TDRD5: variants seen among roughly 807,000 people sequenced by gnomAD.
The protein encoded by TDRD5 is tudor domain-containing protein 5.
In TDRD5, 41 loss-of-function variants were observed where a neutral mutation model predicts 120.6. That is an observed-to-expected ratio of 0.34 (90% confidence interval 0.26 to 0.44). The LOEUF is 0.44. Ranked by LOEUF, TDRD5 falls within the 20% of genes least tolerant of loss-of-function variation. The probability of loss-of-function intolerance (pLI) is 1.00; values close to 1 mark genes in which losing one functional copy is unlikely to be tolerated. For missense variants in TDRD5, 1,006 were observed against 1,221.2 expected (o/e 0.82, Z 2.63); for synonymous variants, 430 against 433.7 (o/e 0.99, Z 0.11).
intron 11 of TDRD5, among the ~76,000 whole-genome samples, chr1:179,642,101 C>T (rs1024826279): frequency 3.6e-5 from 5 of 140,356 alleles, no homozygotes; most frequent in African/African-American, 1.3e-4. Context: ...TTCTTTTTTT[C>T]TTTTCTTTTT....
chr1:179,654,501 A>G lies in TDRD5; in HGVS notation c.2322+139A>G. The stretch of plus-strand genomic sequence containing the variant: ...ATTCTTAGGCCAAGTGCAATGGTTC[A>G]CACCTGTAATCCCAGCACTTTGGGA... On this transcript the variant is annotated intron_variant, in intron 14 of 17. Transcript: ENST00000444136. 2.1e-6 allele frequency: 2 copies of G among 947,206 alleles called. 1 individual carries two copies. The highest frequency in any genetic ancestry group is 7.5e-4 in the Middle Eastern group (2 of 2,676). 58.7% of individuals were successfully genotyped at this position (947,206 alleles called of 1,614,324 possible). A position where few individuals can be genotyped will look rare whatever the true frequency, so the allele number is the denominator to read the frequency against.
chr1:179,655,857 A>G (rs141425864), intron 14 of TDRD5, among the ~76,000 whole-genome samples: 1 of 152,264 alleles, frequency 6.6e-6, no homozygotes, highest in East Asian at 1.9e-4. Context: ...ATACCCATTC[A>G]CCCATTGAAG....
chr1:179,667,018 T>G (rs191589356), intron 16 of TDRD5, among the ~76,000 whole-genome samples: 63 of 152,334 alleles, frequency 4.1e-4, no homozygotes, highest in Non-Finnish European at 7.2e-4. Flanking sequence ...CTTCTCAAAC[T>G]ATAATGTGTA....
intron 11 of TDRD5, among the ~76,000 whole-genome samples, chr1:179,645,076 C>CTTTT (rs71569261): frequency 4.0e-5 from 4 of 99,594 alleles, no homozygotes; most frequent in Non-Finnish European, 8.0e-5. Flanking sequence ...AAACATTTTT[C>CTTTT]TTTTTTTTTT....
chr1:179,607,938 T>A (rs1452797546), intron 4 of TDRD5, among the ~76,000 whole-genome samples: 1 of 152,010 alleles, frequency 6.6e-6, no homozygotes, highest in Non-Finnish European at 1.5e-5. Context: ...TCTTTCTGCT[T>A]GGAAAATTTT....
intron 17 of TDRD5, among the ~76,000 whole-genome samples, chr1:179,686,850 CT>C (rs1193480013): frequency 6.6e-6 from 1 of 152,200 alleles, no homozygotes; most frequent in Non-Finnish European, 1.5e-5. Context: ...ACAGTATTCT[CT>C]GATGGTAGTT....
chr1:179,658,763 T>G (rs1191828941), intron 14 of TDRD5, among the ~76,000 whole-genome samples: 1 of 152,156 alleles, frequency 6.6e-6, no homozygotes, highest in South Asian at 2.1e-4. Context: ...ATCTCTTGTC[T>G]TTCTGTTTTC....
chr1:179,623,241 A>T (rs574205772), intron 6 of TDRD5, among the ~76,000 whole-genome samples: 1 of 152,346 alleles, frequency 6.6e-6, no homozygotes, highest in Admixed American at 6.5e-5. Flanking sequence ...TTCAGGCTGA[A>T]GGAAATAATG....
At chr1:179,603,873 A>G (rs922405241) in intron 4 of TDRD5, among the ~76,000 whole-genome samples, 3 of 152,092 alleles carry the variant, frequency 2.0e-5, no homozygotes, top group African/African-American at 7.2e-5. Context: ...TTTTGGTATT[A>G]GGGTGATGCT....
intron 12 of TDRD5, 114 bp from the exon 13 acceptor site, chr1:179,651,925 T>TA (rs773661314): frequency 2.9e-5 from 35 of 1,210,306 alleles, no homozygotes; most frequent in Non-Finnish European, 3.7e-5. Flanking sequence ...AATAAATAAA[T>TA]AAAATTTGGA....
chr1:179,592,497 C>A, intron 1 of TDRD5, 105 bp from the exon 2 acceptor site: 1 of 874,796 alleles, frequency 1.1e-6, no homozygotes, highest in Non-Finnish European at 1.8e-6. Flanking sequence ...TGCCTTATTA[C>A]CCTTAAAACT....
chr1:179,594,038 G>A (rs1454662719), intron 3 of TDRD5, among the ~76,000 whole-genome samples, 171 bp downstream of exon 3: 1 of 152,130 alleles, frequency 6.6e-6, no homozygotes, highest in African/African-American at 2.4e-5. Context: ...CTTTAAAATA[G>A]AAATAACAGT....
intron 4 of TDRD5, among the ~76,000 whole-genome samples, chr1:179,615,085 CT>C (rs1676492855): frequency 1.3e-5 from 2 of 152,140 alleles, no homozygotes; most frequent in South Asian, 4.1e-4. Flanking sequence ...ACAAGTTTGA[CT>C]TTTATGCACT....
intron 17 of TDRD5, among the ~76,000 whole-genome samples, chr1:179,681,556 A>T (rs1247916836): frequency 6.6e-6 from 1 of 152,062 alleles, no homozygotes; most frequent in Non-Finnish European, 1.5e-5. Context: ...CAGTGTATAA[A>T]TTGGGGTTCA....
intron 4 of TDRD5, among the ~76,000 whole-genome samples, chr1:179,617,149 A>G (rs1362610844): frequency 1.3e-5 from 2 of 152,162 alleles, no homozygotes; most frequent in African/African-American, 4.8e-5. Context: ...TCCTTCCCAG[A>G]CCCATGGAAA....
chr1:179,670,256 G>A (rs1363370793), intron 17 of TDRD5, among the ~76,000 whole-genome samples: 2 of 152,074 alleles, frequency 1.3e-5, no homozygotes, highest in African/African-American at 2.4e-5. Context: ...CAGACACAGT[G>A]TCAGGAGCCT....
intron 6 of TDRD5, among the ~76,000 whole-genome samples, chr1:179,628,623 G>A (rs564679381): frequency 1.7e-4 from 26 of 151,800 alleles, no homozygotes; most frequent in Admixed American, 6.6e-4. Flanking sequence ...TTTCTTCATT[G>A]TTCATAGTTG....
At position 179,691,166 on chromosome 1, in the gene TDRD5, G is replaced by A. The variant is rs1225914643; in HGVS notation, c.*223G>A. The A allele has an allele frequency of 7.9e-6, 4 of 508,368 alleles. No individual in the cohort carries two copies. The highest frequency in any genetic ancestry group is 1.2e-5 in the Non-Finnish European group (4 of 320,138). 31.5% of individuals were successfully genotyped at this position (508,368 alleles called of 1,614,324 possible). On this transcript the variant is annotated 3_prime_UTR_variant, in exon 18 of 18. Transcript: ENST00000444136. The stretch of plus-strand genomic sequence containing the variant: ...TTGATTTTTCTTGATTTTATTCTGT[G>A]TCATTTTGTTCACCTTTGTTTTTAA...
At chr1:179,689,644 C>T (rs1303012935) in intron 17 of TDRD5, among the ~76,000 whole-genome samples, 1 of 152,308 alleles carries the variant, frequency 6.6e-6, no homozygotes, top group Admixed American at 6.5e-5. Context: ...ATGCCCTGCT[C>T]CCAGAGGTGG....
Sources: gnomAD v4.1 joint callset for allele counts (sites outside exome capture counted in the v4.1 genomes callset) on GRCh38, gnomAD v4.1.1 for gene constraint, MANE v1.5 for transcripts, NCBI Gene and HGNC (gene_info 2026-07-23, HGNC 2026-07-21) for gene names.